Variants in HELZ observed in about 807,000 individuals in gnomAD.
HELZ encodes helicase with zinc finger.
A neutral mutation model predicts 218.2 loss-of-function variants in HELZ; 23 were observed. That is an observed-to-expected ratio of 0.11 (90% CI 0.08 to 0.15). The LOEUF (loss-of-function observed/expected upper bound fraction) is 0.15. Among genes scored for constraint, HELZ ranks in the 10% least tolerant of loss-of-function variants. The probability of loss-of-function intolerance (pLI) is 1.00; values close to 1 mark genes in which losing one functional copy is unlikely to be tolerated. For synonymous variants in HELZ, 814 were observed against 829.4 expected (o/e 0.98, Z 0.32); for missense variants, 1,813 against 2,353.7 (o/e 0.77, Z 4.75).
intron 5 of HELZ, among the ~76,000 whole-genome samples, chr17:67,210,963 T>C (rs1364114628): frequency 6.6e-6 from 1 of 151,882 alleles, no homozygotes; most frequent in African/African-American, 2.4e-5. Flanking sequence ...AAGGCAAAAA[T>C]AGAACCATTA....
rs145521386 is a variant in HELZ at position 67,120,955 on chromosome 17, T to G, written c.3631-343A>C. ...TCCCCTCCATATGAATGTATACATG[T>G]CAGATTACCATAAAAATAATCTTTT... is the stretch of plus-strand genomic sequence containing the variant. On this transcript the variant is annotated intron_variant, in intron 26 of 32. Coordinates refer to ENST00000358691, the MANE Select transcript of HELZ (RefSeq NM_014877.4). Among the ~76,000 whole-genome samples the G allele has an allele frequency of 1.8e-4, 27 of 152,330 alleles. No individual in the cohort carries two copies. In the East Asian group the frequency reaches 5.0e-3, roughly 28 times the overall value.
chr17:67,217,581 G>A (rs1207255025), intron 4 of HELZ, among the ~76,000 whole-genome samples: 3 of 152,158 alleles, frequency 2.0e-5, no homozygotes, highest in Middle Eastern at 3.4e-3. Flanking sequence ...TCTTTATCAC[G>A]AGCCAGCAGG....
chr17:67,080,099 C>T (rs1281225737), intron 32 of HELZ, among the ~76,000 whole-genome samples: 4 of 151,996 alleles, frequency 2.6e-5, no homozygotes, highest in Non-Finnish European at 4.4e-5. Flanking sequence ...TTAAGGGTTT[C>T]CTGTTTTAAG....
chr17:67,107,241 A>G lies in HELZ; in HGVS notation c.5169T>C (p.Ala1723=). The change falls in exon 31 of 33, where the codon GCT becomes GCC. Residue 1723 remains alanine, a synonymous_variant. Coordinates refer to ENST00000358691, the MANE Select transcript of HELZ (RefSeq NM_014877.4). The part of the protein sequence containing the change: ...PFVQIQNHQH[A]IGQEPFHPLS... ...ATGGGTGAAATGGCTCTTGACCAAT[A>G]GCATGTTGATGATTCTGTATTTGTA... 6.2e-7 allele frequency: 1 copy of G among 1,614,170 alleles called. No homozygotes were observed. Among genetic ancestry groups the G allele is most frequent in the Non-Finnish European group, 8.5e-7 (1 of 1,179,990 alleles).
intron 15 of HELZ, 58 bp downstream of exon 15, chr17:67,166,420 C>T: frequency 1.4e-6 from 2 of 1,421,520 alleles, no homozygotes; most frequent in African/African-American, 1.4e-5. Flanking sequence ...TTATTTGATA[C>T]AGATATTCAA....
intron 3 of HELZ, among the ~76,000 whole-genome samples, chr17:67,219,800 G>A (rs533643919): frequency 6.6e-6 from 1 of 152,316 alleles, no homozygotes; most frequent in African/African-American, 2.4e-5. Flanking sequence ...GCTTGCCACA[G>A]GGGAAGAAAT....
intron 5 of HELZ, 66 bp downstream of exon 5, chr17:67,215,833 C>CA (rs540586856): frequency 0.058 from 45,829 of 794,370 alleles, 3,026 homozygotes; most frequent in African/African-American, 0.36. Flanking sequence ...TGAAATTAGC[C>CA]AAAAAAAAAA....
chr17:67,223,519 G>A (rs1212484402), intron 3 of HELZ, among the ~76,000 whole-genome samples: 1 of 152,198 alleles, frequency 6.6e-6, no homozygotes, highest in African/African-American at 2.4e-5. Context: ...GGGAGGCTGA[G>A]GCGGACAGAT....
intron 1 of HELZ, chr17:67,244,602 G>C (rs1377605576): frequency 5.3e-6 from 5 of 940,266 alleles, no homozygotes; most frequent in Non-Finnish European, 6.3e-6. Flanking sequence ...GGGGAAGAAA[G>C]TGAATCTCGG....
At chr17:67,207,889 A>C (rs2040345825) in intron 5 of HELZ, among the ~76,000 whole-genome samples, 2 of 152,132 alleles carry the variant, frequency 1.3e-5, no homozygotes, top group Admixed American at 1.3e-4. Context: ...CATACCCATA[A>C]TACTAGCTTC....
At chr17:67,161,211 T>C (rs2038985811) in intron 15 of HELZ, 135 bp from the exon 16 acceptor site, 1 of 609,502 alleles carries the variant, frequency 1.6e-6, no homozygotes, top group African/African-American at 1.9e-5. Context: ...AAATGCTTAT[T>C]CTAAAGCTAC....
chr17:67,166,048 T>G (rs562753999), intron 15 of HELZ, among the ~76,000 whole-genome samples: 2 of 152,014 alleles, frequency 1.3e-5, no homozygotes, highest in Non-Finnish European at 2.9e-5. Context: ...GGCAGGAGAG[T>G]TGCTTGAGCC....
intron 3 of HELZ, among the ~76,000 whole-genome samples, chr17:67,230,096 T>G (rs942117601): frequency 2.6e-5 from 4 of 152,304 alleles, no homozygotes; most frequent in Middle Eastern, 3.4e-3. Flanking sequence ...TTTCTAAAAA[T>G]TATATCAACA....
Position 67,073,981 on chromosome 17 carries a change from G to A in HELZ, c.*4271C>T, listed in dbSNP as rs1054140698. The stretch of plus-strand genomic sequence containing the variant: ...CAAGATGGAGATGGTGTCTTTGTAA[G>A]TGATTGGCACCACTACGTGATATTT... On this transcript the variant is annotated 3_prime_UTR_variant, in exon 33 of 33. Coordinates refer to ENST00000358691, the MANE Select transcript of HELZ (RefSeq NM_014877.4). 1 of 152,158 alleles carries A rather than the reference G, an allele frequency of 6.6e-6. No individual in the cohort carries two copies. The highest frequency in any genetic ancestry group is 1.5e-5 in the Non-Finnish European group (1 of 68,018). 9.4% of individuals were successfully genotyped at this position (152,158 alleles called of 1,614,324 possible).
chr17:67,096,917 T>C (rs2036766289), intron 31 of HELZ, among the ~76,000 whole-genome samples: 1 of 152,246 alleles, frequency 6.6e-6, no homozygotes, highest in African/African-American at 2.4e-5. Flanking sequence ...TGGCTAACTG[T>C]TATAAGAGGC....
At chr17:67,110,209 A>G (rs1019326114) in intron 28 of HELZ, among the ~76,000 whole-genome samples, 18 of 152,060 alleles carry the variant, frequency 1.2e-4, no homozygotes, top group African/African-American at 4.3e-4. Flanking sequence ...CTGGGATTAC[A>G]GGCATGCACC....
At chr17:67,085,849 G>A (rs970079718) in intron 32 of HELZ, among the ~76,000 whole-genome samples, 3 of 152,116 alleles carry the variant, frequency 2.0e-5, no homozygotes, top group African/African-American at 4.8e-5. Flanking sequence ...AGATCAAAGC[G>A]CATTCATCTT....
chr17:67,163,368 T>A (rs936508872), intron 15 of HELZ, among the ~76,000 whole-genome samples: 1 of 151,470 alleles, frequency 6.6e-6, no homozygotes, highest in African/African-American at 2.4e-5. Context: ...ACAACTTGTA[T>A]TTATTTATCA....
Position 67,102,688 on chromosome 17 carries a change from C to T in HELZ, c.5241+4481G>A, listed in dbSNP as rs529954621. 2.8e-4 allele frequency among the ~76,000 whole-genome samples: 42 copies of T among 152,286 alleles called. 1 individual carries two copies. Among genetic ancestry groups the T allele is most frequent in the African/African-American group, 9.4e-4 (39 of 41,558 alleles). On this transcript the variant is annotated intron_variant, in intron 31 of 32. Transcript: ENST00000358691. Reference sequence around the variant, plus strand: ...TTCATGCAAAAGCATTTTGAACAGACTAAAGTTACCCTAATACACTGAAAA... The same window carrying T: ...TTCATGCAAAAGCATTTTGAACAGATTAAAGTTACCCTAATACACTGAAAA...
Sources: gnomAD v4.1 joint callset for allele counts (sites outside exome capture counted in the v4.1 genomes callset) on GRCh38, gnomAD v4.1.1 for gene constraint, MANE v1.5 for transcripts, NCBI Gene and HGNC (gene_info 2026-07-23, HGNC 2026-07-21) for gene names.